The following RBMS3 variants were observed in gnomAD, a reference collection of about 807,000 sequenced individuals.
RBMS3 encodes the protein RNA binding motif single stranded interacting protein 3.
A neutral mutation model predicts 66.8 loss-of-function variants in RBMS3; 27 were observed. That is an observed-to-expected ratio of 0.40 (90% CI 0.30 to 0.56). The LOEUF is 0.56. Ranked by LOEUF, RBMS3 falls within the 20% of genes least tolerant of loss-of-function variation. The pLI, the probability that RBMS3 is intolerant of heterozygous loss-of-function variation, is 0.40. For synonymous variants in RBMS3, 188 were observed against 183.0 expected (o/e 1.03, Z -0.22); for missense variants, 513 against 549.5 (o/e 0.93, Z 0.66).
intron 5 of RBMS3, among the ~76,000 whole-genome samples, chr3:29,754,770 G>A (rs1040077220): frequency 6.6e-6 from 1 of 152,156 alleles, no homozygotes; most frequent in African/African-American, 2.4e-5. Flanking sequence ...AAGAGAAGTT[G>A]TTTATCAAGA....
At chr3:29,892,421 T>A (rs1453543309) in intron 8 of RBMS3, among the ~76,000 whole-genome samples, 2 of 151,508 alleles carry the variant, frequency 1.3e-5, no homozygotes, top group African/African-American at 4.8e-5. Flanking sequence ...GTAGCATGTT[T>A]AGCAGCATCC....
At chr3:29,482,073 C>A (rs1374518564) in intron 2 of RBMS3, among the ~76,000 whole-genome samples, 2 of 152,072 alleles carry the variant, frequency 1.3e-5, no homozygotes, top group Non-Finnish European at 2.9e-5. Flanking sequence ...TGATTCTAAA[C>A]CTCATCCTCT....
At chr3:29,872,470 A>C (rs902017699) in intron 7 of RBMS3, among the ~76,000 whole-genome samples, 1 of 152,044 alleles carries the variant, frequency 6.6e-6, no homozygotes, top group African/African-American at 2.4e-5. Flanking sequence ...AAGTCATTTA[A>C]AAAGGGAGAA....
intron 3 of RBMS3, among the ~76,000 whole-genome samples, chr3:29,498,693 A>C (rs1482469940): frequency 6.6e-6 from 1 of 152,164 alleles, no homozygotes. Flanking sequence ...CTGCAATACA[A>C]AGGTATTTTC....
At chr3:29,406,670 C>A (rs1201151663) in intron 1 of RBMS3, among the ~76,000 whole-genome samples, 2 of 152,082 alleles carry the variant, frequency 1.3e-5, no homozygotes, top group Non-Finnish European at 2.9e-5. Context: ...TTTTTTGTAA[C>A]CCTAAGCTAA....
In RBMS3 at chr3:29,806,239, C is replaced by A. The variant is rs545525828; in HGVS notation, c.637+43250C>A. ...AAAAATAGTTTAAAAGAACAGAAAT[C>A]ATTTTGACCACTCATTTATTTATTA... On this transcript the variant is annotated intron_variant, in intron 6 of 14. Transcript: ENST00000383767. Among the ~76,000 whole-genome samples the A allele has an allele frequency of 2.0e-5, 3 of 152,016 alleles. No individual in the cohort carries two copies. The South Asian group carries it at 6.2e-4, about 32-fold the overall frequency.
chr3:29,395,902 T>C (rs2039525343), intron 1 of RBMS3, among the ~76,000 whole-genome samples: 1 of 152,162 alleles, frequency 6.6e-6, no homozygotes, highest in Admixed American at 6.6e-5. Flanking sequence ...GCTGGAATTA[T>C]TGGAAATCAA....
At chr3:29,739,387 C>G (rs2054528358) in intron 4 of RBMS3, among the ~76,000 whole-genome samples, 1 of 146,508 alleles carries the variant, frequency 6.8e-6, no homozygotes, top group Non-Finnish European at 1.5e-5. Flanking sequence ...ACCCGGGAAG[C>G]AGAGCTTGCA....
At chr3:29,896,439 C>G (rs939036928) in intron 8 of RBMS3, among the ~76,000 whole-genome samples, 77 of 151,502 alleles carry the variant, frequency 5.1e-4, no homozygotes, top group African/African-American at 1.7e-3. Context: ...ACCATTATTT[C>G]TCACATGCAT....
chr3:29,859,157 G>A (rs544385634), intron 6 of RBMS3, among the ~76,000 whole-genome samples: 2 of 152,088 alleles, frequency 1.3e-5, no homozygotes, highest in Non-Finnish European at 2.9e-5. Flanking sequence ...GCGTAAACAT[G>A]AGCCTGACAC....
chr3:29,604,628 C>A (rs530813817), intron 4 of RBMS3, among the ~76,000 whole-genome samples: 1 of 152,046 alleles, frequency 6.6e-6, no homozygotes, highest in South Asian at 2.1e-4. Context: ...TGCTACAGTA[C>A]CTGCAAATGA....
At chr3:29,714,765 C>T (rs2149311939) in intron 4 of RBMS3, among the ~76,000 whole-genome samples, 1 of 152,138 alleles carries the variant, frequency 6.6e-6, no homozygotes, top group South Asian at 2.1e-4. Context: ...CACACACACA[C>T]ACACACACAC....
rs74342492 is a variant in RBMS3, at chr3:29,872,747, G to C, written c.744+3783G>C. Among the ~76,000 whole-genome samples, 617 of 152,222 alleles carry C rather than the reference G, an allele frequency of 4.1e-3. 3 individuals carry two copies. Among genetic ancestry groups the C allele is most frequent in the African/African-American group, 0.014 (587 of 41,540 alleles). ...CATGATCCAGCAAGAATGGGGTACT[G>C]GCTGGCACAGCAGGATTTTTATACA... is the stretch of plus-strand genomic sequence containing the variant. On this transcript the variant is annotated intron_variant, in intron 7 of 14. Transcript: ENST00000383767.
chr3:29,882,976 A>G (rs1204522337), intron 7 of RBMS3, among the ~76,000 whole-genome samples: 4 of 152,050 alleles, frequency 2.6e-5, no homozygotes, highest in African/African-American at 4.8e-5. Flanking sequence ...GTTTCTCCCA[A>G]TTGTTATATT....
chr3:29,403,818 A>G (rs1438017383), intron 1 of RBMS3, among the ~76,000 whole-genome samples: 2 of 152,120 alleles, frequency 1.3e-5, no homozygotes, highest in African/African-American at 4.8e-5. Flanking sequence ...ATAATAAAGG[A>G]GCCAACATAT....
intron 1 of RBMS3, among the ~76,000 whole-genome samples, chr3:29,361,609 G>T (rs2037594761): frequency 6.6e-6 from 1 of 152,116 alleles, no homozygotes; most frequent in African/African-American, 2.4e-5. Context: ...TGCTAGGTTG[G>T]GGAAGTTCTC....
intron 14 of RBMS3, among the ~76,000 whole-genome samples, chr3:30,001,312 T>C (rs1020106265): frequency 1.3e-5 from 2 of 152,048 alleles, no homozygotes; most frequent in African/African-American, 4.8e-5. Context: ...CTGGAAAATA[T>C]TGCTTCATTT....
intron 10 of RBMS3, among the ~76,000 whole-genome samples, chr3:29,910,330 C>T (rs2060485265): frequency 6.6e-6 from 1 of 151,972 alleles, no homozygotes; most frequent in South Asian, 2.1e-4. Flanking sequence ...GATGAGAGTA[C>T]AGATAGACCA....
chr3:29,559,632 C>T (rs144959795), intron 3 of RBMS3, among the ~76,000 whole-genome samples: 1 of 146,322 alleles, frequency 6.8e-6, no homozygotes, highest in African/African-American at 2.5e-5. Flanking sequence ...TTGCTTGTTC[C>T]AGGATTTTCA....
Sources: gnomAD v4.1 joint callset for allele counts (sites outside exome capture counted in the v4.1 genomes callset) on GRCh38, gnomAD v4.1.1 for gene constraint, MANE v1.5 for transcripts, NCBI Gene and HGNC (gene_info 2026-07-23, HGNC 2026-07-21) for gene names.